Variants in MECOM observed in about 807,000 individuals in gnomAD.
MECOM encodes histone-lysine N-methyltransferase MECOM.
Under a neutral mutation model 116.3 loss-of-function variants are expected in MECOM, and 13 were observed. The ratio of observed to expected loss-of-function variants is 0.11; its 90% CI spans 0.07 to 0.18. The LOEUF is 0.18. Among genes scored for constraint, MECOM ranks in the 10% least tolerant of loss-of-function variants. MECOM has a pLI of 1.00. For synonymous variants in MECOM, 528 were observed against 535.2 expected (o/e 0.99, Z 0.19); for missense variants, 1,299 against 1,509.0 (o/e 0.86, Z 2.31).
At position 169,115,399 on chromosome 3, in the gene MECOM, T is replaced by C. The variant is rs1207307565; in HGVS notation, c.2473A>G (p.Met825Val). The change falls in exon 8 of 17, where the codon ATG becomes GTG. Residue 825 changes from methionine to valine, a missense_variant. Met to Val is a conservative substitution (Grantham distance 21). Coordinates refer to ENST00000651503, the MANE Select transcript of MECOM (RefSeq NM_004991.4). ...LQHARPTPFF[M>V]DPIYRVEKRK... ...CACGCTTACCTGTAAATAGGGTCCA[T>C]AAAGAAAGGAGTGGGTCTTGCATGC... is the stretch of plus-strand genomic sequence containing the variant. 48 of 1,613,862 alleles carry C rather than the reference T, an allele frequency of 3.0e-5. No homozygotes were observed. Among genetic ancestry groups the C allele is most frequent in the Non-Finnish European group, 4.0e-5 (47 of 1,179,934 alleles).
At position 169,663,562 on chromosome 3, in the gene MECOM, C is replaced by G. The variant is rs1349850373; in HGVS notation, c.-190G>C. The G allele has an allele frequency of 3.2e-6, 2 of 623,516 alleles. No individual in the cohort carries two copies. Among genetic ancestry groups the G allele is most frequent in the South Asian group, 2.0e-5 (1 of 49,808 alleles). 38.6% of individuals were successfully genotyped at this position (623,516 alleles called of 1,614,324 possible). On this transcript the variant is annotated 5_prime_UTR_variant, in exon 1 of 17. Transcript: ENST00000651503. ...TCCTGTTTCTCTCCTGTTTCTCTCTCTCTTCCACACACTCACTCTCTGTAT... is the reference window on the plus strand; with the variant it reads ...TCCTGTTTCTCTCCTGTTTCTCTCTGTCTTCCACACACTCACTCTCTGTAT...
intron 1 of MECOM, among the ~76,000 whole-genome samples, chr3:169,447,398 T>G: frequency 6.6e-6 from 1 of 152,158 alleles, no homozygotes; most frequent in Non-Finnish European, 1.5e-5. Context: ...CTTTGTAGGT[T>G]AAGATCACAA....
At chr3:169,458,773 A>G (rs917104392) in intron 1 of MECOM, among the ~76,000 whole-genome samples, 4 of 152,184 alleles carry the variant, frequency 2.6e-5, no homozygotes, top group African/African-American at 7.2e-5. Flanking sequence ...GTAGCCGCAC[A>G]CTGGACTAAG....
intron 1 of MECOM, among the ~76,000 whole-genome samples, chr3:169,586,173 G>T (rs961691939): frequency 6.6e-6 from 1 of 152,108 alleles, no homozygotes; most frequent in South Asian, 2.1e-4. Flanking sequence ...CCATTTCTTT[G>T]CAAGTAAAGT....
chr3:169,436,359 C>A (rs968476998), intron 1 of MECOM, among the ~76,000 whole-genome samples: 20 of 151,612 alleles, frequency 1.3e-4, no homozygotes, highest in Non-Finnish European at 2.9e-4. Context: ...CAAGCGATTC[C>A]CCTGCCTCAG....
chr3:169,564,253 C>A (rs1328940290), intron 1 of MECOM, among the ~76,000 whole-genome samples: 1 of 152,088 alleles, frequency 6.6e-6, no homozygotes, highest in Non-Finnish European at 1.5e-5. Flanking sequence ...GACTAAATGT[C>A]ACATATATGA....
intron 1 of MECOM, among the ~76,000 whole-genome samples, chr3:169,410,995 C>A (rs577906023): frequency 3.3e-5 from 5 of 152,160 alleles, no homozygotes; most frequent in African/African-American, 1.2e-4. Context: ...ATAGCTCCTG[C>A]CCATTTTCCA....
In MECOM at chr3:169,411,825, T is replaced by C. The variant is rs188395596; in HGVS notation, c.38-30301A>G. Among the ~76,000 whole-genome samples the C allele has an allele frequency of 1.7e-3, 263 of 152,188 alleles. 2 individuals carry two copies. Among genetic ancestry groups the C allele is most frequent in the African/African-American group, 5.8e-3 (241 of 41,502 alleles). The stretch of plus-strand genomic sequence containing the variant: ...GGCCGACATGGCGAGACATTGTCTC[T>C]ACTAAAAATACAAAAAGTAGCCAGG... On this transcript the variant is annotated intron_variant, in intron 1 of 16. Coordinates refer to ENST00000651503, the MANE Select transcript of MECOM (RefSeq NM_004991.4).
intron 9 of MECOM, among the ~76,000 whole-genome samples, chr3:169,111,604 T>C (rs1727429667): frequency 6.6e-6 from 1 of 152,130 alleles, no homozygotes; most frequent in Non-Finnish European, 1.5e-5. Flanking sequence ...CATTCTTTAA[T>C]CTTCCTATAT....
At chr3:169,543,742 TATAAG>T (rs1560413591) in intron 1 of MECOM, among the ~76,000 whole-genome samples, 1 of 152,216 alleles carries the variant, frequency 6.6e-6, no homozygotes, top group Non-Finnish European at 1.5e-5. Flanking sequence ...ATCTCCCTTA[TATAAG>T]ATAATTATAT....
intron 1 of MECOM, among the ~76,000 whole-genome samples, chr3:169,494,613 C>T (rs979291129): frequency 1.3e-5 from 2 of 152,210 alleles, no homozygotes; most frequent in African/African-American, 4.8e-5. Flanking sequence ...TTATTATACA[C>T]CACTAAGATC....
At chr3:169,092,814 T>C (rs1720184414) in intron 14 of MECOM, 144 bp downstream of exon 14, 1 of 834,092 alleles carries the variant, frequency 1.2e-6, no homozygotes. Flanking sequence ...AAGCATTTAA[T>C]GTGGTATTTA....
At position 169,483,923 on chromosome 3, in the gene MECOM, T is replaced by G; in HGVS notation, c.38-102399A>C. On this transcript the variant is annotated intron_variant, in intron 1 of 16. Coordinates refer to ENST00000651503, the MANE Select transcript of MECOM (RefSeq NM_004991.4). The stretch of plus-strand genomic sequence containing the variant: ...CAGCTTTTCCGTTCACTTTGATCCT[T>G]TCTTGCAAAAACTGCTCAAAATTGG... 3 of 1,608,786 alleles carry G rather than the reference T, an allele frequency of 1.9e-6. No homozygotes were observed. In the South Asian group the frequency reaches 3.3e-5, roughly 18 times the overall value.
intron 2 of MECOM, among the ~76,000 whole-genome samples, chr3:169,321,611 G>T (rs374698012): frequency 6.6e-6 from 1 of 152,164 alleles, no homozygotes; most frequent in South Asian, 2.1e-4. Flanking sequence ...CAGAAAAGAA[G>T]GTAGCTAAAC....
At chr3:169,431,646 A>G (rs905387199) in intron 1 of MECOM, among the ~76,000 whole-genome samples, 5 of 152,196 alleles carry the variant, frequency 3.3e-5, no homozygotes, top group African/African-American at 1.2e-4. Context: ...TAATTTCAAT[A>G]TTTTCCATGG....
intron 1 of MECOM, among the ~76,000 whole-genome samples, chr3:169,550,209 A>C (rs1024682666): frequency 1.1e-4 from 17 of 152,180 alleles, no homozygotes; most frequent in African/African-American, 4.1e-4. Flanking sequence ...AGTTGAACAA[A>C]ACGAGCAAAT....
intron 2 of MECOM, among the ~76,000 whole-genome samples, chr3:169,312,525 T>C (rs976260120): frequency 3.3e-5 from 5 of 152,012 alleles, no homozygotes; most frequent in African/African-American, 1.2e-4. Context: ...CCCGCCACCA[T>C]GCCCGGCTAA....
chr3:169,486,753 C>A (rs1035391775), intron 1 of MECOM, among the ~76,000 whole-genome samples: 2 of 152,046 alleles, frequency 1.3e-5, no homozygotes, highest in Non-Finnish European at 1.5e-5. Flanking sequence ...TGAAACTACT[C>A]CAAAGCAACG....
intron 2 of MECOM, among the ~76,000 whole-genome samples, chr3:169,278,253 TATC>T (rs1759856852): frequency 6.6e-6 from 1 of 152,254 alleles, no homozygotes; most frequent in Non-Finnish European, 1.5e-5. Flanking sequence ...ATTCCTGGGC[TATC>T]ATCGGAATTT....
Sources: allele counts gnomAD v4.1 joint callset (sites outside exome capture counted in the v4.1 genomes callset), GRCh38; gene constraint gnomAD v4.1.1; transcripts MANE v1.5; gene names NCBI Gene and HGNC (gene_info 2026-07-23, HGNC 2026-07-21).